The following DCBLD1 variants were observed in gnomAD, a reference collection of about 807,000 sequenced individuals.
The protein encoded by DCBLD1 is discoidin, CUB and LCCL domain containing 1.
Under a neutral mutation model 71.5 loss-of-function variants are expected in DCBLD1, and 57 were observed. That is an observed-to-expected ratio of 0.80 (90% CI 0.64 to 0.99). The LOEUF (loss-of-function observed/expected upper bound fraction) is 0.99, where lower values mean the gene tolerates loss of function less well. DCBLD1 is among the 50% of genes least tolerant of loss of function. DCBLD1 has a pLI of 0.00. For missense variants in DCBLD1, 891 were observed against 923.5 expected (o/e 0.96, Z 0.46); for synonymous variants, 380 against 363.8 (o/e 1.04, Z -0.51).
At chr6:117,539,443 A>C (rs2114548096) in intron 9 of DCBLD1, 64 bp downstream of exon 9, 2 of 1,504,356 alleles carry the variant, frequency 1.3e-6, no homozygotes, top group East Asian at 4.8e-5. Flanking sequence ...TATTTTCATC[A>C]ATGTGTTTAC....
At position 117,482,708 on chromosome 6, in the gene DCBLD1, C is replaced by T; in HGVS notation, c.-74C>T. ...CCGCGCTCGTCCGCAGAGGAGGCGG[C>T]CCGGCCCGGGCAGCTGCGGCTCGGG... On this transcript the variant is annotated 5_prime_UTR_variant, in exon 1 of 15. Coordinates refer to ENST00000338728, the MANE Select transcript of DCBLD1 (RefSeq NM_001366458.2). The T allele has an allele frequency of 9.1e-7, 1 of 1,098,822 alleles. No homozygotes were observed. Among genetic ancestry groups the T allele is most frequent in the Admixed American group, 5.1e-5 (1 of 19,422 alleles). 68.1% of individuals were successfully genotyped at this position (1,098,822 alleles called of 1,614,324 possible). A position where few individuals can be genotyped will look rare whatever the true frequency, so the allele number is the denominator to read the frequency against.
intron 7 of DCBLD1, 94 bp from the exon 8 acceptor site, chr6:117,538,526 A>G: frequency 8.6e-7 from 1 of 1,157,858 alleles, no homozygotes; most frequent in Non-Finnish European, 1.3e-6. Flanking sequence ...AAAGTCAACT[A>G]GTTGAATATT....
At chr6:117,552,392 T>G (rs1779443646), downstream of DCBLD1, among the ~76,000 whole-genome samples, 1 of 152,198 alleles carries the variant, frequency 6.6e-6, no homozygotes, top group Non-Finnish European at 1.5e-5. Flanking sequence ...ACCATTTGCC[T>G]TAGAGTCCTT....
At chr6:117,558,519 G>C (rs1465392744) in intron 14 of DCBLD1, among the ~76,000 whole-genome samples, 1 of 152,106 alleles carries the variant, frequency 6.6e-6, no homozygotes, top group Admixed American at 6.6e-5. Flanking sequence ...AAGTTGAGTG[G>C]TTTGCTAGGA....
chr6:117,532,922 GA>G (rs1386446483), intron 6 of DCBLD1, among the ~76,000 whole-genome samples: 1 of 151,906 alleles, frequency 6.6e-6, no homozygotes, highest in East Asian at 1.9e-4. Flanking sequence ...AGCTTCATGA[GA>G]AAAAAAATGT....
intron 1 of DCBLD1, among the ~76,000 whole-genome samples, chr6:117,493,956 CTG>C (rs1437102587): frequency 6.6e-6 from 1 of 152,018 alleles, no homozygotes; most frequent in East Asian, 1.9e-4. Context: ...ATGTGTGTAT[CTG>C]TATATATATG....
At chr6:117,519,753 A>G in intron 2 of DCBLD1, 63 bp from the exon 3 acceptor site, 5 of 1,576,870 alleles carry the variant, frequency 3.2e-6, no homozygotes, top group Non-Finnish European at 3.5e-6. Flanking sequence ...AAAAAATGCC[A>G]TATACCAGTC....
chr6:117,520,665 TGA>T (rs1255630372), intron 3 of DCBLD1, among the ~76,000 whole-genome samples: 2 of 152,108 alleles, frequency 1.3e-5, no homozygotes, highest in South Asian at 4.1e-4. Flanking sequence ...CGAACACTGA[TGA>T]GAGAGAGAAG....
intron 2 of DCBLD1, among the ~76,000 whole-genome samples, chr6:117,516,900 C>T (rs918735061): frequency 1.3e-5 from 2 of 152,132 alleles, no homozygotes; most frequent in South Asian, 4.1e-4. Context: ...TACCTCCCAC[C>T]GGGTCCCTCC....
intron 14 of DCBLD1, among the ~76,000 whole-genome samples, chr6:117,556,385 C>A (rs1779495920): frequency 6.6e-6 from 1 of 152,190 alleles, no homozygotes; most frequent in African/African-American, 2.4e-5. Flanking sequence ...TTCCTATCTT[C>A]TGTAGTCTCC....
intron 14 of DCBLD1, chr6:117,561,627 A>G (rs964176205): frequency 1.5e-5 from 3 of 204,274 alleles, no homozygotes; most frequent in African/African-American, 6.9e-5. Flanking sequence ...AGAGCAAACA[A>G]TAACATGTAA....
downstream of DCBLD1, among the ~76,000 whole-genome samples, chr6:117,554,670 G>A (rs891985044): frequency 3.3e-5 from 5 of 152,094 alleles, no homozygotes; most frequent in Admixed American, 6.6e-5. Context: ...TGAGGCGGGC[G>A]GATCATGAGG....
chr6:117,550,090 G>A (rs948592177), downstream of DCBLD1, among the ~76,000 whole-genome samples: 7 of 152,240 alleles, frequency 4.6e-5, no homozygotes, highest in East Asian at 1.2e-3. Context: ...TTTTTCTAAT[G>A]TAAGCCTTCA....
At chr6:117,547,616 G>C (rs1280650894) in intron 14 of DCBLD1, 1 of 679,138 alleles carries the variant, frequency 1.5e-6, no homozygotes, top group Admixed American at 2.1e-5. Flanking sequence ...TCCAGAGCCA[G>C]TTTCAGAGCC....
chr6:117,543,047 C>A, intron 11 of DCBLD1, 77 bp from the exon 12 acceptor site: 1 of 1,225,808 alleles, frequency 8.2e-7, no homozygotes, highest in Non-Finnish European at 1.2e-6. Flanking sequence ...CTTTTCAATT[C>A]CATGTTCAGT....
intron 3 of DCBLD1, among the ~76,000 whole-genome samples, chr6:117,520,839 C>G (rs895738168): frequency 5.9e-5 from 9 of 152,232 alleles, no homozygotes; most frequent in African/African-American, 1.9e-4. Flanking sequence ...TCAGCTCTGA[C>G]TAATCACAGC....
At chr6:117,490,125 C>CA (rs1777240322) in intron 1 of DCBLD1, among the ~76,000 whole-genome samples, 2 of 133,992 alleles carry the variant, frequency 1.5e-5, no homozygotes, top group South Asian at 2.3e-4. Context: ...ACACACACAC[C>CA]CCTATAGCAA....
intron 14 of DCBLD1, among the ~76,000 whole-genome samples, chr6:117,564,575 C>T (rs1344675566): frequency 6.6e-6 from 1 of 151,988 alleles, no homozygotes; most frequent in African/African-American, 2.4e-5. Context: ...AAAGTATAGA[C>T]GTGTGAAACA....
chr6:117,513,737 C>T (rs1778098544), intron 2 of DCBLD1, among the ~76,000 whole-genome samples: 1 of 152,232 alleles, frequency 6.6e-6, no homozygotes, highest in Admixed American at 6.5e-5. Context: ...GGTTGGATTT[C>T]AGTCTGACTG....
Sources: allele counts gnomAD v4.1 joint callset (sites outside exome capture counted in the v4.1 genomes callset), GRCh38; gene constraint gnomAD v4.1.1; transcripts MANE v1.5; gene names NCBI Gene and HGNC (gene_info 2026-07-23, HGNC 2026-07-21).